Variants in SYT1 observed in about 807,000 individuals in gnomAD.
The protein encoded by SYT1 is synaptotagmin 1, also known as synaptotagmin-1.
In SYT1, 8 loss-of-function variants were observed where a neutral mutation model predicts 44.8. The observed-to-expected ratio is 0.18, with a 90% CI of 0.10 to 0.32. SYT1 has a LOEUF of 0.32. Ranked by LOEUF, SYT1 falls within the 10% of genes least tolerant of loss-of-function variation. The pLI is 1.00. For synonymous variants in SYT1, 154 were observed against 188.8 expected, an observed-to-expected ratio of 0.82 and a Z score of 1.51; for missense variants, 286 against 509.3, an observed-to-expected ratio of 0.56 and a Z score of 4.22.
chr12:79,325,087 G>A (rs1768844993), intron 8 of SYT1, among the ~76,000 whole-genome samples: 1 of 152,128 alleles, frequency 6.6e-6, no homozygotes, highest in Non-Finnish European at 1.5e-5. Context: ...AGAAAACCTG[G>A]TAACCTTGGG....
At chr12:79,162,638 G>A (rs1260521704) in intron 3 of SYT1, among the ~76,000 whole-genome samples, 1 of 151,794 alleles carries the variant, frequency 6.6e-6, no homozygotes, top group Admixed American at 6.6e-5. Flanking sequence ...TCTTTTTTTA[G>A]CATTTACAAC....
rs914045727 is a variant in SYT1 at position 79,241,282 on chromosome 12, A to G, written c.166+23597A>G. 2.0e-5 allele frequency among the ~76,000 whole-genome samples: 3 copies of G among 149,960 alleles called. No individual in the cohort carries two copies. In the South Asian group the frequency reaches 6.3e-4, roughly 32 times the overall value. On this transcript the variant is annotated intron_variant, in intron 4 of 10. Coordinates refer to ENST00000261205, the MANE Select transcript of SYT1 (RefSeq NM_005639.3). ...GGCAACTTTTTTTTTTTTTAATTTTATTTTTGGAGATGAAGTCTCACTCTG... is the reference window on the plus strand; with the variant it reads ...GGCAACTTTTTTTTTTTTTAATTTTGTTTTTGGAGATGAAGTCTCACTCTG...
chr12:79,046,846 C>A (rs1183376258), intron 2 of SYT1, among the ~76,000 whole-genome samples: 1 of 151,650 alleles, frequency 6.6e-6, no homozygotes, highest in Non-Finnish European at 1.5e-5. Context: ...TTTCTAACAT[C>A]GGTGAAAAAT....
intron 4 of SYT1, among the ~76,000 whole-genome samples, chr12:79,251,982 T>TAGATAGATAGATAGATA (rs1555211615): frequency 2.0e-5 from 3 of 149,820 alleles, no homozygotes; most frequent in Non-Finnish European, 3.0e-5. Flanking sequence ...GATAGATGAT[T>TAGATAGATAGATAGATA]GATAGATAGA....
At chr12:79,064,922 TAGAGAG>T in intron 3 of SYT1, among the ~76,000 whole-genome samples, 1 of 72,502 alleles carries the variant, frequency 1.4e-5, no homozygotes, top group South Asian at 4.1e-4. Context: ...GACAAAAAAA[TAGAGAG>T]AAAGAAAGAA....
intron 3 of SYT1, among the ~76,000 whole-genome samples, chr12:79,195,980 C>A (rs112400958): frequency 0.015 from 2,251 of 152,236 alleles, 38 homozygotes; most frequent in African/African-American, 0.045. Flanking sequence ...TACAAATTCT[C>A]TTTATTTCTT....
chr12:79,322,249 C>T (rs553388970), intron 8 of SYT1, among the ~76,000 whole-genome samples: 3 of 152,198 alleles, frequency 2.0e-5, no homozygotes, highest in East Asian at 3.9e-4. Context: ...AAGAGTTTAA[C>T]GCATAACTTA....
rs1879579489 is a variant in SYT1 at position 79,121,125 on chromosome 12, C to T, written c.-18+73763C>T. 2.0e-5 allele frequency among the ~76,000 whole-genome samples: 3 copies of T among 151,968 alleles called. No individual in the cohort carries two copies. In the South Asian group the frequency reaches 6.3e-4, roughly 32 times the overall value. On this transcript the variant is annotated intron_variant, in intron 3 of 10. Transcript: ENST00000261205. ...ATATCCAGGTTAGGAATCTGTTTGT[C>T]TTCCTTCAGATTACTCCTAACCCCT...
intron 1 of SYT1, among the ~76,000 whole-genome samples, chr12:78,956,635 G>A (rs2137318172): frequency 6.6e-6 from 1 of 152,024 alleles, no homozygotes; most frequent in Non-Finnish European, 1.5e-5. Flanking sequence ...TTGTGCAGAG[G>A]TTCTGTATTT....
chr12:79,031,405 T>C (rs1031627446), intron 2 of SYT1, among the ~76,000 whole-genome samples: 6 of 151,156 alleles, frequency 4.0e-5, no homozygotes, highest in Admixed American at 6.6e-5. Flanking sequence ...AGTTATTTTC[T>C]TAGCTTTGGC....
intron 3 of SYT1, among the ~76,000 whole-genome samples, chr12:79,126,319 A>G (rs11112879): frequency 0.15 from 23,376 of 152,166 alleles, 1,925 homozygotes; most frequent in African/African-American, 0.2. Flanking sequence ...GGAGTGCAGT[A>G]GCACGATCTT....
intron 4 of SYT1, among the ~76,000 whole-genome samples, chr12:79,249,102 T>TTTTTTC (rs1877028665): frequency 8.7e-6 from 1 of 115,128 alleles, no homozygotes; most frequent in East Asian, 2.3e-4. Context: ...TTTTTTTTTT[T>TTTTTTC]TTTTTTTTTT....
chr12:78,911,881 T>C (rs1876353455), intron 1 of SYT1, among the ~76,000 whole-genome samples: 1 of 152,012 alleles, frequency 6.6e-6, no homozygotes, highest in Non-Finnish European at 1.5e-5. Context: ...CCATTGGGAC[T>C]ACCTACTTTG....
intron 1 of SYT1, among the ~76,000 whole-genome samples, chr12:78,943,520 T>C (rs1878497284): frequency 6.6e-6 from 1 of 152,136 alleles, no homozygotes; most frequent in Non-Finnish European, 1.5e-5. Context: ...TGCTAAACCA[T>C]TCATAAGAAA....
rs1871024145 is a variant in SYT1, at chr12:79,450,981, A to G, written c.*1857A>G. On this transcript the variant is annotated 3_prime_UTR_variant, in exon 11 of 11. Coordinates refer to ENST00000261205, the MANE Select transcript of SYT1 (RefSeq NM_005639.3). ...GAAATGAAAGTTTGTCTTCACAAAT[A>G]TCAAAACAAAATGGAGGAAAACTAA... is the stretch of plus-strand genomic sequence containing the variant. 2 of 152,602 alleles carry G rather than the reference A, an allele frequency of 1.3e-5. No individual in the cohort carries two copies. The highest frequency in any genetic ancestry group is 4.8e-5 in the African/African-American group (2 of 41,452). 9.5% of individuals were successfully genotyped at this position (152,602 alleles called of 1,614,324 possible).
chr12:78,963,546 C>G (rs556543122), intron 1 of SYT1, among the ~76,000 whole-genome samples: 20 of 152,152 alleles, frequency 1.3e-4, no homozygotes, highest in African/African-American at 4.8e-4. Flanking sequence ...ATACAGTTAG[C>G]TAGCAAATAT....
intron 2 of SYT1, among the ~76,000 whole-genome samples, chr12:79,014,122 C>CAA (rs1358787041): frequency 1.0e-3 from 41 of 39,636 alleles, no homozygotes; most frequent in Admixed American, 2.1e-3. Context: ...AGACTCTCTC[C>CAA]AAAAAAAAAA....
intron 3 of SYT1, among the ~76,000 whole-genome samples, chr12:79,165,911 A>G (rs1414168574): frequency 6.6e-6 from 1 of 152,016 alleles, no homozygotes; most frequent in Non-Finnish European, 1.5e-5. Context: ...AAGATCACCC[A>G]TGGAATTCAA....
In SYT1 at chr12:79,179,488, T is replaced by TATAGAG. The variant is rs1565842371; in HGVS notation, c.-17-38012_-17-38011insGAGATA. On this transcript the variant is annotated intron_variant, in intron 3 of 10. Coordinates refer to ENST00000261205, the MANE Select transcript of SYT1 (RefSeq NM_005639.3). ...ATAGATATAGATATAGAGATATAGA[T>TATAGAG]ATATCTATATAGATATAGATATAGA... Among the ~76,000 whole-genome samples, 155 of 125,732 alleles carry TATAGAG rather than the reference T, an allele frequency of 1.2e-3. 1 individual carries two copies. The highest frequency in any genetic ancestry group is 5.0e-3 in the Middle Eastern group (1 of 200). 82.5% of individuals were successfully genotyped at this position (125,732 alleles called of 152,430 possible).
Sources: allele counts gnomAD v4.1 joint callset (sites outside exome capture counted in the v4.1 genomes callset), GRCh38; gene constraint gnomAD v4.1.1; transcripts MANE v1.5; gene names NCBI Gene and HGNC (gene_info 2026-07-23, HGNC 2026-07-21).